The following GRIN2A variants were observed in gnomAD, a reference collection of about 807,000 sequenced individuals.
GRIN2A encodes glutamate ionotropic receptor NMDA type subunit 2A.
In GRIN2A, 22 loss-of-function variants were observed where a neutral mutation model predicts 113.4. That is an observed-to-expected ratio of 0.19 (90% CI 0.14 to 0.28). The LOEUF (loss-of-function observed/expected upper bound fraction) is 0.28. GRIN2A is among the 10% of genes least tolerant of loss of function. The pLI is 1.00. For missense variants in GRIN2A, 1,502 were observed against 1,887.0 expected (o/e 0.80, Z 3.78); for synonymous variants, 827 against 738.4 (o/e 1.12, Z -1.94).
intron 3 of GRIN2A, among the ~76,000 whole-genome samples, chr16:9,923,676 A>T (rs922530938): frequency 2.6e-5 from 4 of 152,146 alleles, no homozygotes; most frequent in Non-Finnish European, 4.4e-5. Flanking sequence ...ACGTAAGTAT[A>T]CCATAAGACC....
intron 4 of GRIN2A, among the ~76,000 whole-genome samples, chr16:9,852,850 C>G (rs2042908936): frequency 6.6e-6 from 1 of 152,324 alleles, no homozygotes; most frequent in Non-Finnish European, 1.5e-5. Context: ...CAGAGTCATT[C>G]ATTCCATAAA....
intron 10 of GRIN2A, among the ~76,000 whole-genome samples, chr16:9,808,997 G>C (rs2042034783): frequency 1.3e-5 from 2 of 151,984 alleles, no homozygotes; most frequent in Non-Finnish European, 2.9e-5. Context: ...CAGTCAAAGA[G>C]AATGAAGGCA....
At position 10,083,037 on chromosome 16, in the gene GRIN2A, G is replaced by A. The variant is rs2048013990; in HGVS notation, c.414+96961C>T. ...TTCCTCTAGAAGTTAGGGAAAAGAG[G>A]ACTCAGTGAGCATAGGAAGAGGAAC... On this transcript the variant is annotated intron_variant, in intron 2 of 12. Coordinates refer to ENST00000330684, the MANE Select transcript of GRIN2A (RefSeq NM_001134407.3). Among the ~76,000 whole-genome samples the A allele has an allele frequency of 1.3e-5, 2 of 152,196 alleles. 1 individual carries two copies. The highest frequency in any genetic ancestry group is 4.1e-4 in the South Asian group (2 of 4,834).
chr16:9,821,264 T>C (rs556654047), intron 10 of GRIN2A, among the ~76,000 whole-genome samples: 2 of 152,284 alleles, frequency 1.3e-5, no homozygotes, highest in Admixed American at 6.5e-5. Context: ...ATTAAACAAC[T>C]CTGTCATTTA....
At chr16:10,035,052 G>C (rs1303005245) in intron 2 of GRIN2A, among the ~76,000 whole-genome samples, 1 of 149,368 alleles carries the variant, frequency 6.7e-6, no homozygotes, top group Non-Finnish European at 1.5e-5. Flanking sequence ...TAGAGACAGG[G>C]TCTCGTTCTG....
intron 2 of GRIN2A, among the ~76,000 whole-genome samples, chr16:10,143,855 A>G (rs1307184420): frequency 6.6e-6 from 1 of 152,154 alleles, no homozygotes; most frequent in Non-Finnish European, 1.5e-5. Context: ...AGTACCAACT[A>G]CTAGGGAGGC....
chr16:10,136,435 G>C (rs913077725), intron 2 of GRIN2A, among the ~76,000 whole-genome samples: 2 of 152,136 alleles, frequency 1.3e-5, no homozygotes, highest in Admixed American at 6.5e-5. Flanking sequence ...AAATCAAACT[G>C]TGTAACTCAG....
chr16:9,961,265 G>A (rs904558571), intron 2 of GRIN2A, among the ~76,000 whole-genome samples: 19 of 152,100 alleles, frequency 1.2e-4, no homozygotes, highest in African/African-American at 4.3e-4. Context: ...ATGGAAATAC[G>A]CAGCTACAAC....
intron 3 of GRIN2A, among the ~76,000 whole-genome samples, chr16:9,923,475 T>G (rs2044395902): frequency 6.6e-6 from 1 of 152,174 alleles, no homozygotes; most frequent in African/African-American, 2.4e-5. Context: ...TATCTAATCT[T>G]TGTTCTCTTT....
intron 2 of GRIN2A, among the ~76,000 whole-genome samples, chr16:10,057,976 C>T (rs1341397936): frequency 2.6e-5 from 4 of 152,084 alleles, no homozygotes; most frequent in Admixed American, 1.3e-4. Context: ...AATACGTGGC[C>T]GGGTGTGGTG....
At chr16:9,797,511 C>G (rs1903072214) in intron 11 of GRIN2A, among the ~76,000 whole-genome samples, 1 of 152,150 alleles carries the variant, frequency 6.6e-6, no homozygotes, top group South Asian at 2.1e-4. Flanking sequence ...TCTATAAATG[C>G]CACAGTCTCA....
intron 2 of GRIN2A, among the ~76,000 whole-genome samples, chr16:10,133,476 G>A (rs1272243343): frequency 6.6e-6 from 1 of 152,176 alleles, no homozygotes; most frequent in Non-Finnish European, 1.5e-5. Context: ...GCACGGTGCT[G>A]TGCACCCATA....
In GRIN2A at chr16:10,180,548, G is replaced by C; in HGVS notation, c.-18-119C>G. The C allele has an allele frequency of 6.7e-7, 1 of 1,500,582 alleles. No individual in the cohort carries two copies. The highest frequency in any genetic ancestry group is 1.3e-5 in the South Asian group (1 of 77,710). The allele number at this position is 1,500,582 out of a possible 1,614,324, so 93.0% of individuals were successfully genotyped here. On this transcript the variant is annotated intron_variant, in intron 1 of 12. Coordinates refer to ENST00000330684, the MANE Select transcript of GRIN2A (RefSeq NM_001134407.3). This position sits in a 1 kb window ranked among gnomAD's most constrained non-coding sequence, Gnocchi z 7.0. The stretch of plus-strand genomic sequence containing the variant: ...ATGGAACTCAGCAGCAGGATAGGCT[G>C]CTGGGATCACGGACTCCATTCCGAG...
chr16:10,180,529 C>T lies in GRIN2A; in HGVS notation c.-18-100G>A, dbSNP rs933314470. On this transcript the variant is annotated intron_variant, in intron 1 of 12. Coordinates refer to ENST00000330684, the MANE Select transcript of GRIN2A (RefSeq NM_001134407.3). The surrounding 1 kb of genome is among the most constrained non-coding windows in gnomAD (Gnocchi z 7.0). ...CCTGCTCTAGGAGCCAGGCATGGAACTCAGCAGCAGGATAGGCTGCTGGGA... is the reference window on the plus strand; with the variant it reads ...CCTGCTCTAGGAGCCAGGCATGGAATTCAGCAGCAGGATAGGCTGCTGGGA... The T allele has an allele frequency of 6.6e-7, 1 of 1,525,934 alleles. No homozygotes were observed. The highest frequency in any genetic ancestry group is 1.4e-5 in the African/African-American group (1 of 72,860). 94.5% of individuals were successfully genotyped at this position (1,525,934 alleles called of 1,614,324 possible). A position where few individuals can be genotyped will look rare whatever the true frequency, so the allele number is the denominator to read the frequency against.
rs1356232938 is a variant in GRIN2A, at chr16:9,899,212, G to T, written c.1008-8112C>A. On this transcript the variant is annotated intron_variant, in intron 3 of 12. Transcript: ENST00000330684. ...CCAGCACTTTGGGATGCCAAGGCAG[G>T]TGGATCACCTGAAGTCAGGAGTTTG... 3.3e-5 allele frequency among the ~76,000 whole-genome samples: 5 copies of T among 152,110 alleles called. 1 individual carries two copies. Among genetic ancestry groups the T allele is most frequent in the Admixed American group, 3.3e-4 (5 of 15,280 alleles).
At chr16:9,971,369 C>A (rs2045666011) in intron 2 of GRIN2A, among the ~76,000 whole-genome samples, 1 of 152,224 alleles carries the variant, frequency 6.6e-6, no homozygotes, top group African/African-American at 2.4e-5. Context: ...GAGCTACGCC[C>A]CCAAGCCAAT....
intron 11 of GRIN2A, among the ~76,000 whole-genome samples, chr16:9,773,112 T>C (rs113253890): frequency 0.025 from 3,774 of 152,232 alleles, 75 homozygotes; most frequent in African/African-American, 0.061. Context: ...TGGAGGGAGA[T>C]CAGGGACCAT....
At chr16:10,053,186 T>G (rs569380298) in intron 2 of GRIN2A, among the ~76,000 whole-genome samples, 10 of 152,278 alleles carry the variant, frequency 6.6e-5, no homozygotes, top group African/African-American at 2.4e-4. Flanking sequence ...ACAGAAAGCT[T>G]TTAACTGAAA....
In GRIN2A at chr16:9,768,823, C is replaced by A. The variant is rs1193307357; in HGVS notation, c.2595+28G>T. On this transcript the variant is annotated intron_variant, in intron 12 of 12. Transcript: ENST00000330684. ...CGCTTTTCTAAACCTGCTTGCAGTG[C>A]AAGAAAGTAGCCACCCGGTGTACTG... 4 of 1,518,230 alleles carry A rather than the reference C, an allele frequency of 2.6e-6. No homozygotes were observed. In the African/African-American group the frequency reaches 4.1e-5, roughly 16 times the overall value. 94.0% of individuals were successfully genotyped at this position (1,518,230 alleles called of 1,614,324 possible).
Sources: allele counts gnomAD v4.1 joint callset (sites outside exome capture counted in the v4.1 genomes callset), GRCh38; gene constraint gnomAD v4.1.1; non-coding constraint Gnocchi (gnomAD v3.1); transcripts MANE v1.5; gene names NCBI Gene and HGNC (gene_info 2026-07-23, HGNC 2026-07-21).